The following LEO1 variants were observed in gnomAD, a reference collection of about 807,000 sequenced individuals.
LEO1 encodes LEO1 component of Paf1/RNA polymerase II complex.
A neutral mutation model predicts 80.4 loss-of-function variants in LEO1; 34 were observed. The observed-to-expected ratio is 0.42, with a 90% confidence interval of 0.32 to 0.56. LEO1 has a LOEUF of 0.56. Ranked by LOEUF, LEO1 falls within the 20% of genes least tolerant of loss-of-function variation. The pLI is 0.10. For synonymous variants in LEO1, 262 were observed against 274.9 expected, an observed-to-expected ratio of 0.95 and a Z score of 0.46; for missense variants, 631 against 814.2, an observed-to-expected ratio of 0.77 and a Z score of 2.74.
intron 9 of LEO1, 67 bp downstream of exon 9, chr15:51,951,777 A>T (rs2056950927): frequency 2.1e-6 from 3 of 1,427,528 alleles, no homozygotes; most frequent in Non-Finnish European, 2.9e-6. Context: ...ACGAACAAGC[A>T]TTTTGGGAAA....
chr15:51,965,469 T>A (rs572446330), intron 2 of LEO1, among the ~76,000 whole-genome samples: 4 of 152,300 alleles, frequency 2.6e-5, no homozygotes, highest in African/African-American at 9.6e-5. Context: ...CAGCTCTTCT[T>A]ACACCATATC....
rs938204765 is a variant in LEO1 at position 51,958,121 on chromosome 15, A to G, written c.1245+621T>C. Reference sequence around the variant, plus strand: ...CATAATTCCAGTTTCAGTATCATGCATTCAACCACCTCTTGTTCCCTTGTG... The same window carrying G: ...CATAATTCCAGTTTCAGTATCATGCGTTCAACCACCTCTTGTTCCCTTGTG... On this transcript the variant is annotated intron_variant, in intron 6 of 11. Coordinates refer to ENST00000299601, the MANE Select transcript of LEO1 (RefSeq NM_138792.4). Among the ~76,000 whole-genome samples, 4 of 152,172 alleles carry G rather than the reference A, an allele frequency of 2.6e-5. No individual in the cohort carries two copies. In the East Asian group the frequency reaches 5.8e-4, roughly 22 times the overall value.
In LEO1 at chr15:51,947,343, T is replaced by G. The variant is rs141685959; in HGVS notation, c.1845A>C (p.Glu615Asp). Residue 615 changes from glutamate (E) to aspartate (D), a missense_variant, in exon 11 of 12, where the codon GAA becomes GAC. By Grantham distance (45) the Glu-to-Asp change is conservative. Coordinates refer to ENST00000299601, the MANE Select transcript of LEO1 (RefSeq NM_138792.4). ...TGAGTAATCTTTGAGCTTTATCTTC[T>G]TCTGATCCCTCATCACTGTCTGATG... ...IYSSDSDEGS[E>D]EDKAQRLLKA... 198 of 1,613,794 alleles carry G rather than the reference T, an allele frequency of 1.2e-4. No individual in the cohort carries two copies. Among genetic ancestry groups the G allele is most frequent in the Non-Finnish European group, 1.5e-4 (182 of 1,179,862 alleles).
intron 11 of LEO1, among the ~76,000 whole-genome samples, 186 bp from the exon 12 acceptor site, chr15:51,938,446 C>G (rs569816508): frequency 2.6e-5 from 4 of 152,316 alleles, no homozygotes; most frequent in Non-Finnish European, 4.4e-5. Context: ...CCTTTGAACA[C>G]AGAGTAGGAT....
intron 6 of LEO1, 26 bp downstream of exon 6, chr15:51,958,716 A>G (rs771830649): frequency 3.4e-6 from 5 of 1,457,838 alleles, no homozygotes; most frequent in Non-Finnish European, 4.7e-6. Flanking sequence ...ATAAAAGAAA[A>G]AAAAGGAAAA....
chr15:51,942,821 C>G (rs1290055522), intron 11 of LEO1, among the ~76,000 whole-genome samples: 1 of 150,442 alleles, frequency 6.6e-6, no homozygotes, highest in Non-Finnish European at 1.5e-5. Context: ...ACTAGGAAGG[C>G]TGAGGCAGGA....
Position 51,965,900 on chromosome 15 carries a change from A to T in LEO1, c.663T>A (p.Asp221Glu). 1 of 1,614,098 alleles carries T rather than the reference A, an allele frequency of 6.2e-7. No homozygotes were observed. Among genetic ancestry groups the T allele is most frequent in the South Asian group, 1.1e-5 (1 of 91,070 alleles). The change falls in exon 2 of 12, where the codon GAT (aspartate) becomes GAA (glutamate). Residue 221 changes from aspartate (D) to glutamate (E), a missense_variant. Transcript: ENST00000299601. The stretch of plus-strand genomic sequence containing the variant: ...CAGAATTCTGTTTCTCATCATCATT[A>T]TCAGAAGCTACCGGCCGTTCATCAT... ...NSDDERPVASDNDDEKQNSDD... is the reference protein window; with the variant it reads ...NSDDERPVASENDDEKQNSDD...
chr15:51,971,747 A>T lies in LEO1; in HGVS notation c.-2T>A. The T allele has an allele frequency of 6.2e-7, 1 of 1,614,110 alleles. No individual in the cohort carries two copies. Reference sequence around the variant, plus strand: ...GAAGAGATCCTCCATATCCGCCATTATCGCTCACGTCCGCTGCTGCCTCGG... The same window carrying T: ...GAAGAGATCCTCCATATCCGCCATTTTCGCTCACGTCCGCTGCTGCCTCGG... On this transcript the variant is annotated 5_prime_UTR_variant, in exon 1 of 12. Transcript: ENST00000299601.
In LEO1 at chr15:51,960,738, A is replaced by G. The variant is rs2057023707; in HGVS notation, c.920-5T>C. ...AATCCATGGTTCCACTATTATCTTC[A>G]ATGCAGAAGGAAAAAGGCATTAGTG... On this transcript the variant is annotated splice_region_variant and splice_polypyrimidine_tract_variant and intron_variant, in intron 3 of 11. Coordinates refer to ENST00000299601, the MANE Select transcript of LEO1 (RefSeq NM_138792.4). 2 of 1,553,030 alleles carry G rather than the reference A, an allele frequency of 1.3e-6. No individual in the cohort carries two copies. The highest frequency in any genetic ancestry group is 3.4e-4 in the Middle Eastern group (2 of 5,948).
intron 1 of LEO1, among the ~76,000 whole-genome samples, chr15:51,969,338 G>A (rs2057103913): frequency 6.6e-6 from 1 of 150,908 alleles, no homozygotes; most frequent in Admixed American, 6.6e-5. Flanking sequence ...ATAAATACAT[G>A]AAAAGATGTT....
rs767086439 is a variant in LEO1 at position 51,949,873 on chromosome 15, T to C, written c.1733A>G (p.Glu578Gly). ...SYLEPDRYDE[E>G]EEGEESISLA... ...GCTGATGGACTCCTCGCCTTCCTCC[T>C]CCTCATCGTATCGATCAGGTTCCAG... Residue 578 changes from glutamate to glycine, a missense_variant, in exon 10 of 12, where the codon GAG becomes GGG. Transcript: ENST00000299601. 6.2e-7 allele frequency: 1 copy of C among 1,613,924 alleles called. No homozygotes were observed. Among genetic ancestry groups the C allele is most frequent in the Non-Finnish European group, 8.5e-7 (1 of 1,180,012 alleles).
At chr15:51,961,875 A>G (rs139320272) in intron 3 of LEO1, among the ~76,000 whole-genome samples, 60 of 151,532 alleles carry the variant, frequency 4.0e-4, no homozygotes, top group African/African-American at 1.3e-3. Flanking sequence ...CTCTAACTAT[A>G]AACAGACTGG....
intron 11 of LEO1, among the ~76,000 whole-genome samples, chr15:51,941,980 T>A (rs1288788700): frequency 6.6e-6 from 1 of 152,198 alleles, no homozygotes; most frequent in Non-Finnish European, 1.5e-5. Context: ...GACTGGCCCT[T>A]GCCCCCATTT....
At chr15:51,969,905 C>G (rs561964899) in intron 1 of LEO1, among the ~76,000 whole-genome samples, 1 of 148,174 alleles carries the variant, frequency 6.7e-6, no homozygotes, top group East Asian at 2.0e-4. Flanking sequence ...TAAACTGAAA[C>G]CACAATGAGA....
chr15:51,938,364 G>T, intron 11 of LEO1, 104 bp from the exon 12 acceptor site: 1 of 660,034 alleles, frequency 1.5e-6, no homozygotes, highest in South Asian at 1.9e-5. Context: ...ACAACTCAAA[G>T]TAACGGTTCC....
chr15:51,951,935 G>C lies in LEO1; in HGVS notation c.1520C>G (p.Ser507Ter). Reference sequence around the variant, plus strand: ...TGTCTTTGAACACCTATCTGCAAGTGACAGAGTCATCTTTCTATGTGTGGC... The same window carrying C: ...TGTCTTTGAACACCTATCTGCAAGTCACAGAGTCATCTTTCTATGTGTGGC... ...DSATHRKMTL[S>*]LADRCSKTQK... is the part of the protein sequence containing the mutation. Residue 507 changes from serine to a stop codon, truncating the protein, a stop_gained, in exon 9 of 12, where the codon TCA becomes TGA. Transcript: ENST00000299601. LOFTEE classifies it high-confidence loss of function. 1 of 1,613,676 alleles carries C rather than the reference G, an allele frequency of 6.2e-7. No individual in the cohort carries two copies. The highest frequency in any genetic ancestry group is 1.1e-5 in the South Asian group (1 of 91,070).
chr15:51,947,337 ATCT>A lies in LEO1; in HGVS notation c.1848_1850del (p.Glu616del), dbSNP rs1319386407. 1.9e-6 allele frequency: 3 copies of A among 1,613,716 alleles called. No homozygotes were observed. The highest frequency in any genetic ancestry group is 1.7e-6 in the Non-Finnish European group (2 of 1,179,794). On this transcript the variant is annotated inframe_deletion, in exon 11 of 12. Coordinates refer to ENST00000299601, the MANE Select transcript of LEO1 (RefSeq NM_138792.4). ...TTGCTTTGAGTAATCTTTGAGCTTT[ATCT>A]TCTTCTGATCCCTCATCACTGTCTG...
Position 51,966,325 on chromosome 15 carries a change from G to C in LEO1, c.238C>G (p.His80Asp). 1 of 1,614,142 alleles carries C rather than the reference G, an allele frequency of 6.2e-7. No homozygotes were observed. Among genetic ancestry groups the C allele is most frequent in the Non-Finnish European group, 8.5e-7 (1 of 1,180,024 alleles). ...GATCTATTGTCTGATCTTTCAGAGT[G>C]ATTATCACTACCACTATGATGTGAA... ...GASHHSGSDN[H>D]SERSDNRSEA... Residue 80 changes from histidine to aspartate, a missense_variant, in exon 2 of 12, where the codon CAC (histidine) becomes GAC (aspartate). Physicochemically the swap from His to Asp is moderately conservative, Grantham distance 81. Coordinates refer to ENST00000299601, the MANE Select transcript of LEO1 (RefSeq NM_138792.4).
intron 3 of LEO1, among the ~76,000 whole-genome samples, chr15:51,961,930 G>C (rs1409129350): frequency 6.6e-6 from 1 of 151,902 alleles, no homozygotes; most frequent in African/African-American, 2.4e-5. Flanking sequence ...GGGAGGCTGA[G>C]GTGGGTGGAA....
Sources: allele counts gnomAD v4.1 joint callset (sites outside exome capture counted in the v4.1 genomes callset), GRCh38; gene constraint gnomAD v4.1.1; transcripts MANE v1.5; gene names NCBI Gene and HGNC (gene_info 2026-07-23, HGNC 2026-07-21).